Variants in FMNL2 observed in about 807,000 individuals in gnomAD.
FMNL2 encodes the protein formin like 2.
Under a neutral mutation model 130.2 loss-of-function variants are expected in FMNL2, and 51 were observed. The ratio of observed to expected loss-of-function variants is 0.39; its 90% CI spans 0.31 to 0.49. The LOEUF is 0.49. Among genes scored for constraint, FMNL2 ranks in the 20% least tolerant of loss-of-function variants. The pLI is 0.85. For synonymous variants in FMNL2, 465 were observed against 467.1 expected (o/e 1.00, Z 0.06); for missense variants, 977 against 1,316.2 (o/e 0.74, Z 3.99).
At chr2:152,352,964 A>T (rs1231537108) in intron 1 of FMNL2, among the ~76,000 whole-genome samples, 3 of 151,944 alleles carry the variant, frequency 2.0e-5, no homozygotes, top group South Asian at 2.1e-4. Context: ...GCTTATTTTT[A>T]AAAAAACAAA....
intron 1 of FMNL2, among the ~76,000 whole-genome samples, chr2:152,489,738 T>A (rs1691037202): frequency 6.6e-6 from 1 of 152,216 alleles, no homozygotes; most frequent in Non-Finnish European, 1.5e-5. Context: ...TTGATGTTAC[T>A]TCATTGATTA....
At chr2:152,461,821 A>G (rs774688435) in intron 1 of FMNL2, among the ~76,000 whole-genome samples, 34 of 151,960 alleles carry the variant, frequency 2.2e-4, no homozygotes, top group Non-Finnish European at 4.6e-4. Context: ...GTCTAATAGA[A>G]CTTTCTGTGA....
chr2:152,644,058 C>T lies in FMNL2; in HGVS notation c.3169+3144C>T, dbSNP rs149379069. 1.7e-3 allele frequency: 401 copies of T among 237,914 alleles called. 4 individuals are homozygous for T. The highest frequency in any genetic ancestry group is 0.013 in the East Asian group (69 of 5,516). 14.7% of individuals were successfully genotyped at this position (237,914 alleles called of 1,614,324 possible). A position where few individuals can be genotyped will look rare whatever the true frequency, so the allele number is the denominator to read the frequency against. The stretch of plus-strand genomic sequence containing the variant: ...CAGCCTGGGTAACATAGGGAAGCCC[C>T]ATCTTTACAAAAATCAGCTGGGCAT... On this transcript the variant is annotated intron_variant, in intron 25 of 25. Coordinates refer to ENST00000288670, the MANE Select transcript of FMNL2 (RefSeq NM_052905.4).
In FMNL2 at chr2:152,647,475, A is replaced by AAATT. The variant is rs1298445950; in HGVS notation, c.3170-318_3170-315dup. On this transcript the variant is annotated intron_variant, in intron 25 of 25. Coordinates refer to ENST00000288670, the MANE Select transcript of FMNL2 (RefSeq NM_052905.4). ...CTTCCAGAATAAAAACAAAACAAAA[A>AAATT]AATTAAGCTACAGCTGCTTCTAATT... Among the ~76,000 whole-genome samples the AAATT allele has an allele frequency of 4.6e-5, 7 of 152,342 alleles. No individual in the cohort carries two copies. The East Asian group carries it at 9.6e-4, about 21-fold the overall frequency.
chr2:152,378,407 A>G (rs3762622), intron 1 of FMNL2, among the ~76,000 whole-genome samples: 39,271 of 152,122 alleles, frequency 0.26, 6,035 homozygotes, highest in East Asian at 0.74. Context: ...TGGAAGAACT[A>G]TATCTTTAGA....
chr2:152,548,340 A>G (rs1342800458), intron 3 of FMNL2, among the ~76,000 whole-genome samples: 1 of 152,132 alleles, frequency 6.6e-6, no homozygotes, highest in Non-Finnish European at 1.5e-5. Flanking sequence ...TTGACGGGGG[A>G]AAGTTCCTAC....
At chr2:152,438,669 T>G (rs1202596845) in intron 1 of FMNL2, among the ~76,000 whole-genome samples, 1 of 152,280 alleles carries the variant, frequency 6.6e-6, no homozygotes, top group East Asian at 1.9e-4. Flanking sequence ...TCTATTTTAG[T>G]GGCCAGGGAA....
chr2:152,572,489 A>G (rs981646282), intron 6 of FMNL2, among the ~76,000 whole-genome samples: 1 of 152,130 alleles, frequency 6.6e-6, no homozygotes, highest in Non-Finnish European at 1.5e-5. Flanking sequence ...CAGTAAAGCC[A>G]TCTCCTCAGG....
In FMNL2 at chr2:152,640,075, ATGAGACAGGTCCG is replaced by A; in HGVS notation, c.3045+24_3045+36del. 1 of 1,536,480 alleles carries A rather than the reference ATGAGACAGGTCCG, an allele frequency of 6.5e-7. No homozygotes were observed. Among genetic ancestry groups the A allele is most frequent in the Non-Finnish European group, 8.8e-7 (1 of 1,141,692 alleles). ...TCCAAAGGTAAGAAGTGCCGCACTC[ATGAGACAGGTCCG>A]TGAGGAGAGGCTGAGAGGGCTCTTC... On this transcript the variant is annotated intron_variant, in intron 24 of 25. Transcript: ENST00000288670.
At chr2:152,595,582 G>T (rs751083232) in intron 9 of FMNL2, among the ~76,000 whole-genome samples, 2 of 152,168 alleles carry the variant, frequency 1.3e-5, no homozygotes, top group Non-Finnish European at 2.9e-5. Context: ...GCCTCCCAAA[G>T]TGCTAAGATT....
intron 1 of FMNL2, among the ~76,000 whole-genome samples, chr2:152,404,219 T>C (rs1685861374): frequency 6.6e-6 from 1 of 152,202 alleles, no homozygotes; most frequent in African/African-American, 2.4e-5. Flanking sequence ...AATTAATGCA[T>C]CTTCAATGAA....
chr2:152,372,941 T>A (rs1300709351), intron 1 of FMNL2, among the ~76,000 whole-genome samples: 1 of 152,216 alleles, frequency 6.6e-6, no homozygotes, highest in Non-Finnish European at 1.5e-5. Context: ...AGATGAGTGC[T>A]CTGTTCTTAT....
intron 6 of FMNL2, among the ~76,000 whole-genome samples, chr2:152,573,789 G>T (rs1466567543): frequency 6.6e-6 from 1 of 152,046 alleles, no homozygotes; most frequent in African/African-American, 2.4e-5. Context: ...TTTGAGCATA[G>T]AATACAACTA....
At chr2:152,610,149 A>G (rs1290312640) in intron 10 of FMNL2, among the ~76,000 whole-genome samples, 1 of 152,206 alleles carries the variant, frequency 6.6e-6, no homozygotes, top group Non-Finnish European at 1.5e-5. Context: ...GGAAGAGTTC[A>G]CAGGGAATTT....
At chr2:152,490,180 A>C (rs1386078728) in intron 1 of FMNL2, among the ~76,000 whole-genome samples, 1 of 152,018 alleles carries the variant, frequency 6.6e-6, no homozygotes, top group Non-Finnish European at 1.5e-5. Context: ...GAAACTTGCA[A>C]AAAAAGGGGA....
chr2:152,597,033 CTGAGT>C (rs1207241939), intron 9 of FMNL2, among the ~76,000 whole-genome samples: 2 of 152,184 alleles, frequency 1.3e-5, no homozygotes, highest in Admixed American at 1.3e-4. Flanking sequence ...TAATGGTACA[CTGAGT>C]TATCTAGATC....
intron 9 of FMNL2, among the ~76,000 whole-genome samples, chr2:152,591,809 A>G (rs527445955): frequency 1.3e-5 from 2 of 152,216 alleles, no homozygotes; most frequent in Admixed American, 6.5e-5. Flanking sequence ...CTGTCTCTAA[A>G]GAAAAGATAA....
At chr2:152,440,084 C>T (rs1687976735) in intron 1 of FMNL2, among the ~76,000 whole-genome samples, 1 of 151,902 alleles carries the variant, frequency 6.6e-6, no homozygotes, top group Admixed American at 6.6e-5. Context: ...CCTGCCTTAA[C>T]TAAATGGAAG....
rs1033394337 is a variant in FMNL2 at position 152,400,768 on chromosome 2, G to A, written c.117+65048G>A. On this transcript the variant is annotated intron_variant, in intron 1 of 25. Coordinates refer to ENST00000288670, the MANE Select transcript of FMNL2 (RefSeq NM_052905.4). ...TGGTCCCTGCCCACTATAGGCCACT[G>A]AGTAGCACTGCCTCTTCCCAATTAT... is the stretch of plus-strand genomic sequence containing the variant. Among the ~76,000 whole-genome samples the A allele has an allele frequency of 3.9e-5, 6 of 152,212 alleles. No homozygotes were observed. The South Asian group carries it at 1.0e-3, about 26-fold the overall frequency.
Sources: gnomAD v4.1 joint callset for allele counts (sites outside exome capture counted in the v4.1 genomes callset) on GRCh38, gnomAD v4.1.1 for gene constraint, MANE v1.5 for transcripts, NCBI Gene and HGNC (gene_info 2026-07-23, HGNC 2026-07-21) for gene names.